Variants in INPP4A observed in about 807,000 individuals in gnomAD.
The protein encoded by INPP4A is inositol polyphosphate-4-phosphatase type I A, also known as inositol polyphosphate-4-phosphatase, type I, 107kD.
Under a neutral mutation model 119.8 loss-of-function variants are expected in INPP4A, and 33 were observed. The ratio of observed to expected loss-of-function variants is 0.28; its 90% CI spans 0.21 to 0.37. INPP4A has a LOEUF of 0.37. INPP4A is among the 10% of genes least tolerant of loss of function. The pLI is 1.00. For missense variants in INPP4A, 956 were observed against 1,289.9 expected, an observed-to-expected ratio of 0.74 and a Z score of 3.97; for synonymous variants, 496 against 500.7, an observed-to-expected ratio of 0.99 and a Z score of 0.12.
In INPP4A at chr2:98,530,708, T is replaced by C. The variant is rs143624534; in HGVS notation, c.152-2669T>C. Among the ~76,000 whole-genome samples, 931 of 152,234 alleles carry C rather than the reference T, an allele frequency of 6.1e-3. 7 individuals are homozygous for C. Among genetic ancestry groups the C allele is most frequent in the Middle Eastern group, 0.01 (3 of 294 alleles). The stretch of plus-strand genomic sequence containing the variant: ...GTGTTCAGCATAAAATCATGAATTC[T>C]CAGAAACATGAGGAGATAAGAAATA... On this transcript the variant is annotated intron_variant, in intron 4 of 24. Coordinates refer to ENST00000409851, the MANE Select transcript of INPP4A (RefSeq NM_001134225.2).
At chr2:98,503,209 G>C (rs1485694648) in intron 1 of INPP4A, among the ~76,000 whole-genome samples, 4 of 152,294 alleles carry the variant, frequency 2.6e-5, no homozygotes, top group Non-Finnish European at 2.9e-5. Context: ...GTGAGAAAGA[G>C]ATTTGTCTTC....
intron 1 of INPP4A, among the ~76,000 whole-genome samples, chr2:98,462,100 G>A (rs1159515001): frequency 6.6e-6 from 1 of 152,196 alleles, no homozygotes; most frequent in African/African-American, 2.4e-5. Flanking sequence ...GTTTTCTTTG[G>A]GAAATGGGCA....
intron 17 of INPP4A, among the ~76,000 whole-genome samples, chr2:98,560,546 T>C (rs1695285180): frequency 6.6e-6 from 1 of 152,204 alleles, no homozygotes; most frequent in Non-Finnish European, 1.5e-5. Context: ...ACAGTTTCTC[T>C]TTCCCCAAAA....
chr2:98,487,681 TAC>T (rs1679836920), intron 1 of INPP4A, among the ~76,000 whole-genome samples: 2 of 152,358 alleles, frequency 1.3e-5, no homozygotes, highest in Admixed American at 6.5e-5. Context: ...TCTGGGCATA[TAC>T]ACAGACTGGA....
At chr2:98,525,304 A>G (rs76954613) in intron 4 of INPP4A, among the ~76,000 whole-genome samples, 166 of 152,166 alleles carry the variant, frequency 1.1e-3, no homozygotes, top group African/African-American at 4.0e-3. Context: ...CTCTTCTTCC[A>G]TTGTTATATC....
chr2:98,489,813 G>A (rs140908588), intron 1 of INPP4A, among the ~76,000 whole-genome samples: 1 of 152,110 alleles, frequency 6.6e-6, no homozygotes, highest in East Asian at 1.9e-4. Context: ...TATTTGATCT[G>A]AGTTTTTGTC....
At chr2:98,542,024 G>T (rs889506259) in intron 10 of INPP4A, among the ~76,000 whole-genome samples, 50 of 152,338 alleles carry the variant, frequency 3.3e-4, no homozygotes, top group African/African-American at 1.1e-3. Flanking sequence ...AACAGAACTG[G>T]GAACCTCACG....
rs143918469 is a variant in INPP4A, at chr2:98,494,545, A to G, written c.-165-24419A>G. Among the ~76,000 whole-genome samples, 633 of 152,196 alleles carry G rather than the reference A, an allele frequency of 4.2e-3. 1 individual carries two copies. The highest frequency in any genetic ancestry group is 0.01 in the Middle Eastern group (3 of 294). ...CAAGTAGGAGAGGTAGGCTATAATA[A>G]CAGAAAGCTCTGAAGCTCTCTGAAA... On this transcript the variant is annotated intron_variant, in intron 1 of 24. Coordinates refer to ENST00000409851, the MANE Select transcript of INPP4A (RefSeq NM_001134225.2).
chr2:98,542,807 T>TCTTCCCC (rs1256923940), intron 10 of INPP4A, among the ~76,000 whole-genome samples: 1 of 152,026 alleles, frequency 6.6e-6, no homozygotes, highest in Non-Finnish European at 1.5e-5. Context: ...CTCTTCCTCC[T>TCTTCCCC]CTTCCCCCTT....
intron 4 of INPP4A, among the ~76,000 whole-genome samples, chr2:98,526,962 G>A (rs938694775): frequency 6.6e-6 from 1 of 152,110 alleles, no homozygotes; most frequent in African/African-American, 2.4e-5. Context: ...AGTCATTCAT[G>A]AGGGATTTGT....
intron 11 of INPP4A, among the ~76,000 whole-genome samples, chr2:98,544,326 T>C (rs1264508127): frequency 6.6e-6 from 1 of 152,252 alleles, no homozygotes; most frequent in East Asian, 1.9e-4. Context: ...AATCCCGGGC[T>C]ATTACTGCTT....
At chr2:98,488,844 G>A (rs1229495927) in intron 1 of INPP4A, among the ~76,000 whole-genome samples, 1 of 152,128 alleles carries the variant, frequency 6.6e-6, no homozygotes, top group Non-Finnish European at 1.5e-5. Flanking sequence ...GTGGAGTAGG[G>A]AGTGTTGTGA....
intron 1 of INPP4A, among the ~76,000 whole-genome samples, chr2:98,455,001 G>A (rs1695871342): frequency 6.6e-6 from 1 of 152,188 alleles, no homozygotes; most frequent in African/African-American, 2.4e-5. Flanking sequence ...ACAGTGGTAT[G>A]TTTGACAGAA....
intron 1 of INPP4A, among the ~76,000 whole-genome samples, chr2:98,497,615 A>T (rs1189329705): frequency 2.0e-5 from 3 of 152,152 alleles, no homozygotes; most frequent in African/African-American, 7.2e-5. Flanking sequence ...TCTGCAGTTG[A>T]GTTGTTTGAG....
At chr2:98,481,898 C>A (rs1678542326) in intron 1 of INPP4A, among the ~76,000 whole-genome samples, 1 of 152,200 alleles carries the variant, frequency 6.6e-6, no homozygotes. Context: ...GCACCTTTGC[C>A]TCTCCTTCTC....
Position 98,572,897 on chromosome 2 carries a change from G to T in INPP4A, c.2601G>T (p.Lys867Asn). ...LGQNVHARKN[K>N]NVDILWQAAE... ...AGAACGTGCATGCCCGGAAGAATAA[G>T]AACGTCGACATTCTCTGGCAAGCTG... The change falls in exon 23 of 25, where the codon AAG becomes AAT. Residue 867 changes from lysine to asparagine, a missense_variant. Physicochemically the swap from Lys to Asn is moderately conservative, Grantham distance 94 (BLOSUM62 0). Transcript: ENST00000409851. 6.3e-7 allele frequency: 1 copy of T among 1,577,354 alleles called. No individual in the cohort carries two copies. The highest frequency in any genetic ancestry group is 8.6e-7 in the Non-Finnish European group (1 of 1,161,568).
At chr2:98,559,754 G>A (rs796180771) in intron 17 of INPP4A, among the ~76,000 whole-genome samples, 14 of 152,348 alleles carry the variant, frequency 9.2e-5, no homozygotes, top group African/African-American at 3.4e-4. Flanking sequence ...AGATGAGCGT[G>A]TTGGGCTTCC....
intron 1 of INPP4A, among the ~76,000 whole-genome samples, chr2:98,501,191 C>T (rs1020797302): frequency 6.6e-6 from 1 of 152,124 alleles, no homozygotes; most frequent in Non-Finnish European, 1.5e-5. Context: ...GTGGCATGTG[C>T]CTGTAGTCCC....
intron 1 of INPP4A, among the ~76,000 whole-genome samples, chr2:98,506,289 G>A (rs1407241181): frequency 3.3e-5 from 5 of 152,200 alleles, no homozygotes; most frequent in Admixed American, 6.5e-5. Context: ...TCTGCATATC[G>A]GAAAGAGCAC....
Sources: allele counts gnomAD v4.1 joint callset (sites outside exome capture counted in the v4.1 genomes callset), GRCh38; gene constraint gnomAD v4.1.1; transcripts MANE v1.5; gene names NCBI Gene and HGNC (gene_info 2026-07-23, HGNC 2026-07-21).